The following RFPL1 variants were observed in gnomAD, a reference collection of about 807,000 sequenced individuals.
RFPL1 encodes ret finger protein-like 1.
In RFPL1, 6 loss-of-function variants were observed where a neutral mutation model predicts 9.6. The observed-to-expected ratio is 0.62, with a 90% CI of 0.34 to 1.23. The LOEUF is 1.23. Ranked by LOEUF, RFPL1 falls within the 50% of genes most tolerant of loss-of-function variation. The pLI, the probability that RFPL1 is intolerant of heterozygous loss-of-function variation, is 0.03. For missense variants in RFPL1, 352 were observed against 398.4 expected (o/e 0.88, Z 0.99); for synonymous variants, 145 against 149.4 (o/e 0.97, Z 0.22).
At chr22:29,405,279 C>T in the RFPL1 span, among the ~76,000 whole-genome samples, 26 of 152,064 alleles carry the variant, frequency 1.7e-4, no homozygotes, top group South Asian at 4.1e-4. Flanking sequence ...GACTGGGGGA[C>T]GCAGCAGCTC....
At chr22:29,403,398 T>C in the RFPL1 span, among the ~76,000 whole-genome samples, 1 of 152,138 alleles carries the variant, frequency 6.6e-6, no homozygotes, top group Non-Finnish European at 1.5e-5. Flanking sequence ...TGGACTTTAG[T>C]TGAGATGGGA....
chr22:29,401,814 A>G, the RFPL1 span, among the ~76,000 whole-genome samples: 1 of 152,214 alleles, frequency 6.6e-6, no homozygotes. Flanking sequence ...ATAAAATTCA[A>G]ACTCTACCCC....
At chr22:29,412,426 C>T in the RFPL1 span, among the ~76,000 whole-genome samples, 2,231 of 152,086 alleles carry the variant, frequency 0.015, 35 homozygotes, top group Middle Eastern at 0.024. Flanking sequence ...GGGAGGGACA[C>T]GAGTTCCAGG....
the RFPL1 span, among the ~76,000 whole-genome samples, chr22:29,405,827 CG>C: frequency 6.6e-6 from 1 of 152,080 alleles, no homozygotes; most frequent in East Asian, 1.9e-4. Flanking sequence ...TAACACATCT[CG>C]GCCGGGCGCG....
chr22:29,417,324 G>A, the RFPL1 span, among the ~76,000 whole-genome samples: 1 of 152,064 alleles, frequency 6.6e-6, no homozygotes, highest in South Asian at 2.1e-4. Context: ...AGGCCCAGTT[G>A]TCCAGCAGGT....
chr22:29,400,108 GC>G, the RFPL1 span, among the ~76,000 whole-genome samples: 1 of 150,190 alleles, frequency 6.7e-6, no homozygotes, highest in Admixed American at 6.7e-5. Flanking sequence ...CCATTCTCCT[GC>G]CTCAGCCTCT....
In RFPL1 at chr22:29,441,888, C is replaced by A. The variant is rs531609185; in HGVS notation, c.720C>A (p.Arg240=). Reference sequence around the variant, plus strand: ...CGCTGACTTTCCTCTTCGTAGACCGCAAGTTACAGCGAGTGGGGATTTTTC... The same window carrying A: ...CGCTGACTTTCCTCTTCGTAGACCGAAAGTTACAGCGAGTGGGGATTTTTC... Residue 240 remains arginine (R), a synonymous_variant, in exon 2 of 2, where the codon CGC becomes CGA. Transcript: ENST00000354373. 22 of 1,613,156 alleles carry A rather than the reference C, an allele frequency of 1.4e-5. No individual in the cohort carries two copies. The African/African-American group carries it at 2.4e-4, about 18-fold the overall frequency.
intron 1 of RFPL1, 39 bp downstream of exon 1, chr22:29,439,203 G>C (rs1160572038): frequency 6.3e-6 from 10 of 1,581,028 alleles, no homozygotes; most frequent in Non-Finnish European, 8.6e-6. Context: ...CCTACGACCA[G>C]ACCAGGAAAA....
chr22:29,436,328 C>T (rs556906075), upstream of RFPL1, among the ~76,000 whole-genome samples: 4 of 151,986 alleles, frequency 2.6e-5, no homozygotes, highest in South Asian at 2.1e-4. Context: ...CGGTGGCTCA[C>T]GCCTGTAATC....
chr22:29,396,907 T>C, the RFPL1 span, among the ~76,000 whole-genome samples: 1 of 133,860 alleles, frequency 7.5e-6, no homozygotes, highest in African/African-American at 2.9e-5. Flanking sequence ...CTTTTTTTTT[T>C]TTTTTTTTTT....
At chr22:29,397,026 T>C in the RFPL1 span, among the ~76,000 whole-genome samples, 4 of 149,030 alleles carry the variant, frequency 2.7e-5, no homozygotes, top group Non-Finnish European at 4.4e-5. Flanking sequence ...CCTGCCTCAG[T>C]CCTCCCGAAT....
At chr22:29,418,852 C>A in the RFPL1 span, among the ~76,000 whole-genome samples, 3 of 152,162 alleles carry the variant, frequency 2.0e-5, no homozygotes, top group Admixed American at 6.5e-5. Context: ...GGGTCCTCTT[C>A]CCCAGCCAGT....
upstream of RFPL1, among the ~76,000 whole-genome samples, chr22:29,433,923 C>T (rs999867674): frequency 6.6e-6 from 1 of 151,914 alleles, no homozygotes; most frequent in East Asian, 1.9e-4. Context: ...TTTAAAATTA[C>T]CTGGAGATCT....
the RFPL1 span, among the ~76,000 whole-genome samples, chr22:29,403,515 G>A: frequency 6.6e-6 from 1 of 152,124 alleles, no homozygotes; most frequent in Non-Finnish European, 1.5e-5. Flanking sequence ...GTGGAAGCAG[G>A]GAGACCAGCT....
chr22:29,429,625 A>G, the RFPL1 span, among the ~76,000 whole-genome samples: 1 of 152,204 alleles, frequency 6.6e-6, no homozygotes, highest in African/African-American at 2.4e-5. Context: ...AAGAAACAAA[A>G]AACCTGAACA....
chr22:29,425,733 G>A, the RFPL1 span, among the ~76,000 whole-genome samples: 16 of 152,092 alleles, frequency 1.1e-4, no homozygotes, highest in Middle Eastern at 0.01. Flanking sequence ...TTGGGAGGCC[G>A]CGGTGGGTGG....
At chr22:29,404,605 C>T in the RFPL1 span, among the ~76,000 whole-genome samples, 1 of 152,172 alleles carries the variant, frequency 6.6e-6, no homozygotes, top group South Asian at 2.1e-4. Flanking sequence ...TGCATATGAG[C>T]TGCTTTGAAT....
chr22:29,402,175 C>T, the RFPL1 span, among the ~76,000 whole-genome samples: 3 of 152,076 alleles, frequency 2.0e-5, no homozygotes, highest in South Asian at 2.1e-4. Context: ...CATCTTGAGC[C>T]GTCATGGAAA....
At chr22:29,422,280 C>T in the RFPL1 span, among the ~76,000 whole-genome samples, 2 of 152,140 alleles carry the variant, frequency 1.3e-5, no homozygotes, top group African/African-American at 2.4e-5. Context: ...CCCATCTCTA[C>T]TAAAAATACA....
Sources: gnomAD v4.1 joint callset for allele counts (sites outside exome capture counted in the v4.1 genomes callset) on GRCh38, gnomAD v4.1.1 for gene constraint, MANE v1.5 for transcripts, NCBI Gene and HGNC (gene_info 2026-07-23, HGNC 2026-07-21) for gene names.